The following NR5A2 variants were observed in gnomAD, a reference collection of about 807,000 sequenced individuals.
NR5A2 encodes CYP7A promoter-binding factor.
NR5A2 carries 26 observed loss-of-function variants against 62.7 expected under a neutral mutation model. That is an observed-to-expected ratio of 0.41 (90% CI 0.30 to 0.58). The LOEUF (loss-of-function observed/expected upper bound fraction) is 0.58, where lower values mean the gene tolerates loss of function less well. Ranked by LOEUF, NR5A2 falls within the 20% of genes least tolerant of loss-of-function variation. NR5A2 has a pLI of 0.22. For missense variants in NR5A2, 541 were observed against 669.1 expected, an observed-to-expected ratio of 0.81 and a Z score of 2.11; for synonymous variants, 246 against 241.7, an observed-to-expected ratio of 1.02 and a Z score of -0.16.
Position 200,048,851 on chromosome 1 carries a change from C to T in NR5A2, c.1110+33C>T, listed in dbSNP as rs764080367. ...ACCAGCTATTACAACTTACAGCACC[C>T]CTTTTAAGAGAGACCTAACTATGTT... On this transcript the variant is annotated intron_variant, in intron 5 of 7. Transcript: ENST00000367362. The surrounding 1 kb of genome is among the most constrained non-coding windows in gnomAD (Gnocchi z 4.8). 6.2e-7 allele frequency: 1 copy of T among 1,607,818 alleles called. No individual in the cohort carries two copies. The highest frequency in any genetic ancestry group is 1.1e-5 in the South Asian group (1 of 90,808).
At chr1:200,072,200 A>G (rs1381938044) in intron 5 of NR5A2, among the ~76,000 whole-genome samples, 1 of 152,206 alleles carries the variant, frequency 6.6e-6, no homozygotes, top group Non-Finnish European at 1.5e-5. Context: ...TTGGTTTCAA[A>G]GGGAACTTCT....
chr1:200,103,914 G>T (rs147227790), intron 5 of NR5A2, among the ~76,000 whole-genome samples: 1 of 152,200 alleles, frequency 6.6e-6, no homozygotes, highest in Non-Finnish European at 1.5e-5. Flanking sequence ...AGAGGGAGAA[G>T]TATGGAGATG....
At chr1:200,098,168 C>T (rs1252770832) in intron 5 of NR5A2, among the ~76,000 whole-genome samples, 1 of 152,186 alleles carries the variant, frequency 6.6e-6, no homozygotes, top group Admixed American at 6.5e-5. Flanking sequence ...GGGCCACTGA[C>T]AACTTCACCT....
intron 6 of NR5A2, among the ~76,000 whole-genome samples, chr1:200,117,721 C>CT (rs59745790): frequency 0.025 from 3,757 of 148,180 alleles, 228 homozygotes; most frequent in East Asian, 0.25. Flanking sequence ...TTTTTCTTTT[C>CT]TTTTTTTTTT....
At chr1:200,172,519 T>G (rs1431084915) in intron 7 of NR5A2, among the ~76,000 whole-genome samples, 2 of 152,224 alleles carry the variant, frequency 1.3e-5, no homozygotes, top group African/African-American at 4.8e-5. Context: ...TTGAAAGAGA[T>G]ATGGTACCAA....
At chr1:200,053,896 A>C (rs1374676763) in intron 5 of NR5A2, among the ~76,000 whole-genome samples, 1 of 152,158 alleles carries the variant, frequency 6.6e-6, no homozygotes, top group African/African-American at 2.4e-5. Flanking sequence ...CTCTGCGGAT[A>C]GTTTACTCTC....
chr1:200,128,422 A>G (rs145798854), intron 7 of NR5A2, among the ~76,000 whole-genome samples: 1 of 152,280 alleles, frequency 6.6e-6, no homozygotes, highest in Non-Finnish European at 1.5e-5. Flanking sequence ...CCTCTTTCTT[A>G]AAGACTTCCT....
At chr1:200,090,995 C>G (rs1406719707) in intron 5 of NR5A2, among the ~76,000 whole-genome samples, 1 of 152,184 alleles carries the variant, frequency 6.6e-6, no homozygotes, top group Non-Finnish European at 1.5e-5. Context: ...AAAGTAGGTG[C>G]CATTGCATTC....
intron 5 of NR5A2, among the ~76,000 whole-genome samples, chr1:200,052,929 C>A (rs191074015): frequency 1.3e-5 from 2 of 152,146 alleles, no homozygotes; most frequent in East Asian, 1.9e-4. Context: ...CATGAGCCAC[C>A]GCACCCGGCC....
chr1:200,091,332 T>C (rs1244286290), intron 5 of NR5A2, among the ~76,000 whole-genome samples: 2 of 152,042 alleles, frequency 1.3e-5, no homozygotes, highest in African/African-American at 4.8e-5. Context: ...GGAGGGTCAA[T>C]ATTAATTAGA....
intron 5 of NR5A2, among the ~76,000 whole-genome samples, chr1:200,094,969 A>G (rs1489334541): frequency 6.6e-6 from 1 of 152,172 alleles, no homozygotes. Flanking sequence ...ACATAAAGGA[A>G]TATGTTAAAC....
At chr1:200,111,430 A>G in intron 6 of NR5A2, 109 bp downstream of exon 6, 1 of 1,195,996 alleles carries the variant, frequency 8.4e-7, no homozygotes, top group Non-Finnish European at 1.1e-6. Context: ...AAAGGGAGAG[A>G]TTGGCTGCCA....
intron 5 of NR5A2, among the ~76,000 whole-genome samples, chr1:200,080,621 ACAC>A (rs1558126028): frequency 6.6e-6 from 1 of 152,180 alleles, no homozygotes; most frequent in Non-Finnish European, 1.5e-5. Context: ...GTGAATTCTC[ACAC>A]CACTGTATGA....
intron 7 of NR5A2, among the ~76,000 whole-genome samples, chr1:200,148,888 A>C (rs974775104): frequency 5.2e-4 from 76 of 146,790 alleles, no homozygotes; most frequent in Non-Finnish European, 9.6e-4. Flanking sequence ...CTCCTAGCCC[A>C]GTCTTTGGCA....
At chr1:200,110,077 G>A (rs1665871005) in intron 5 of NR5A2, among the ~76,000 whole-genome samples, 1 of 152,232 alleles carries the variant, frequency 6.6e-6, no homozygotes, top group South Asian at 2.1e-4. Flanking sequence ...TAAGTCTTTA[G>A]ACATACCCCT....
At chr1:200,093,230 A>G (rs894538253) in intron 5 of NR5A2, among the ~76,000 whole-genome samples, 5 of 152,138 alleles carry the variant, frequency 3.3e-5, no homozygotes, top group African/African-American at 1.2e-4. Flanking sequence ...TAATGAAAAG[A>G]TAACCTGCTC....
chr1:200,142,188 CTTTTTTT>C lies in NR5A2; in HGVS notation c.1378+21256_1378+21262del, dbSNP rs535827114. Among the ~76,000 whole-genome samples, 90 of 55,404 alleles carry C rather than the reference CTTTTTTT, an allele frequency of 1.6e-3. 1 individual carries two copies. Among genetic ancestry groups the C allele is most frequent in the Middle Eastern group, 0.019 (1 of 52 alleles). The allele number at this position is 55,404 out of a possible 152,430, so 36.3% of individuals were successfully genotyped here. ...TAATTGTTTTTTGTTTTAAAGACTT[CTTTTTTT>C]TTTTTTTTTTTTTTTTTTTTTTAAG... On this transcript the variant is annotated intron_variant, in intron 7 of 7. Coordinates refer to ENST00000367362, the MANE Select transcript of NR5A2 (RefSeq NM_205860.3).
intron 5 of NR5A2, among the ~76,000 whole-genome samples, chr1:200,055,206 T>C (rs1662858243): frequency 6.6e-6 from 1 of 151,876 alleles, no homozygotes; most frequent in South Asian, 2.1e-4. Context: ...CCTACTTTTT[T>C]TTTTTTGTGA....
intron 7 of NR5A2, among the ~76,000 whole-genome samples, chr1:200,168,810 A>T (rs1654035609): frequency 1.3e-5 from 2 of 152,216 alleles, no homozygotes. Context: ...AGAAGTTCTT[A>T]CAAAATTAGT....
Sources: gnomAD v4.1 joint callset for allele counts (sites outside exome capture counted in the v4.1 genomes callset) on GRCh38, gnomAD v4.1.1 for gene constraint, Gnocchi (gnomAD v3.1) non-coding constraint, MANE v1.5 for transcripts, NCBI Gene and HGNC (gene_info 2026-07-23, HGNC 2026-07-21) for gene names.